Variants in ZNF470 observed in about 807,000 individuals in gnomAD.
The protein encoded by ZNF470 is zinc finger protein 470.
Under a neutral mutation model 13.9 loss-of-function variants are expected in ZNF470, and 13 were observed. The observed-to-expected ratio is 0.94, with a 90% CI of 0.61 to 1.49. The LOEUF is 1.49. Ranked by LOEUF, ZNF470 falls within the 40% of genes most tolerant of loss-of-function variation. The pLI, the probability that ZNF470 is intolerant of heterozygous loss-of-function variation, is 0.00. For missense variants in ZNF470, 929 were observed against 857.3 expected, an observed-to-expected ratio of 1.08 and a Z score of -1.04; for synonymous variants, 293 against 282.9, an observed-to-expected ratio of 1.04 and a Z score of -0.36.
Position 56,579,373 on chromosome 19 carries a change from G to A in ZNF470, c.*790G>A. 4 of 897,366 alleles carry A rather than the reference G, an allele frequency of 4.5e-6. No individual in the cohort carries two copies. Among genetic ancestry groups the A allele is most frequent in the Non-Finnish European group, 5.3e-6 (4 of 749,630 alleles). The allele number at this position is 897,366 out of a possible 1,614,324, so 55.6% of individuals were successfully genotyped here. ...GGAGGTAGAGGTTGCAGTGAGTCAT[G>A]ATCACACCACTGCAATTCCAGCTGG... On this transcript the variant is annotated 3_prime_UTR_variant, in exon 6 of 6. Transcript: ENST00000330619.
Position 56,579,779 on chromosome 19 carries a change from A to G in ZNF470, c.*1196A>G, listed in dbSNP as rs528465689. The G allele has an allele frequency of 7.9e-5, 74 of 939,804 alleles. No homozygotes were observed. Among genetic ancestry groups the G allele is most frequent in the Non-Finnish European group, 9.3e-5 (73 of 788,552 alleles). 58.2% of individuals were successfully genotyped at this position (939,804 alleles called of 1,614,324 possible). A position where few individuals can be genotyped will look rare whatever the true frequency, so the allele number is the denominator to read the frequency against. ...AGGAAGGCTAGACATGCCTCTGTAT[A>G]GAAAATCTGATAAAAATATTTCTCC... On this transcript the variant is annotated 3_prime_UTR_variant, in exon 6 of 6. Transcript: ENST00000330619.
At chr19:56,568,696 G>A (rs1352819281) in intron 1 of ZNF470, 62 bp from the exon 2 acceptor site, 2 of 152,102 alleles carry the variant, frequency 1.3e-5, no homozygotes, top group East Asian at 3.9e-4. Context: ...AGACCTTTTG[G>A]GAGTATCAGC....
intron 4 of ZNF470, 49 bp downstream of exon 4, chr19:56,574,569 A>AT: frequency 6.2e-7 from 1 of 1,611,912 alleles, no homozygotes; most frequent in South Asian, 1.1e-5. Context: ...GTAGTCTTTT[A>AT]TGCCATTATC....
In ZNF470 at chr19:56,576,973, C is replaced by A; in HGVS notation, c.544C>A (p.His182Asn). The A allele has an allele frequency of 6.3e-7, 1 of 1,589,218 alleles. No homozygotes were observed. The highest frequency in any genetic ancestry group is 8.5e-7 in the Non-Finnish European group (1 of 1,172,158). The change falls in exon 6 of 6, where the codon CAT becomes AAT. Residue 182 changes from histidine (H) to asparagine (N), a missense_variant. Transcript: ENST00000330619. ...CTCTAACAAATCTGGGACAGTTTTTCATCTGAATACATTATCTTATATAAA... is the reference window on the plus strand; with the variant it reads ...CTCTAACAAATCTGGGACAGTTTTTAATCTGAATACATTATCTTATATAAA... ...DHSNKSGTVF[H>N]LNTLSYIKQI...
rs1468283451 is a variant in ZNF470 at position 56,574,635 on chromosome 19, C to G, written c.188-3C>G. The G allele has an allele frequency of 6.2e-7, 1 of 1,612,594 alleles. No individual in the cohort carries two copies. The highest frequency in any genetic ancestry group is 1.3e-5 in the African/African-American group (1 of 74,806). ...CAATTTTTATATGTCTTTTTACATG[C>G]AGGTCTTTGCATTTCTAAACCAGAT... On this transcript the variant is annotated splice_region_variant and splice_polypyrimidine_tract_variant and intron_variant, in intron 4 of 5. Transcript: ENST00000330619.
At chr19:56,576,591 C>G in intron 5 of ZNF470, 122 bp from the exon 6 acceptor site, 1 of 743,596 alleles carries the variant, frequency 1.3e-6, no homozygotes, top group Non-Finnish European at 2.0e-6. Flanking sequence ...ATGTAAGAAC[C>G]ATAAAAACAT....
chr19:56,581,053 G>T lies in ZNF470; in HGVS notation c.*2470G>T, dbSNP rs1355201543. On this transcript the variant is annotated 3_prime_UTR_variant, in exon 6 of 6. Transcript: ENST00000330619. ...TGCATAACCCCAAAGCTGACATTAG[G>T]CTTTTATATGGTGGAAAACATCATA... The T allele has an allele frequency of 1.0e-6, 1 of 985,050 alleles. No individual in the cohort carries two copies. The highest frequency in any genetic ancestry group is 1.2e-6 in the Non-Finnish European group (1 of 829,752). The allele number at this position is 985,050 out of a possible 1,614,324, so 61.0% of individuals were successfully genotyped here.
rs2147990734 is a variant in ZNF470 at position 56,581,083 on chromosome 19, A to G, written c.*2500A>G. 1 of 983,726 alleles carries G rather than the reference A, an allele frequency of 1.0e-6. No individual in the cohort carries two copies. Among genetic ancestry groups the G allele is most frequent in the Admixed American group, 6.1e-5 (1 of 16,288 alleles). 60.9% of individuals were successfully genotyped at this position (983,726 alleles called of 1,614,324 possible). A position where few individuals can be genotyped will look rare whatever the true frequency, so the allele number is the denominator to read the frequency against. On this transcript the variant is annotated 3_prime_UTR_variant, in exon 6 of 6. Coordinates refer to ENST00000330619, the MANE Select transcript of ZNF470 (RefSeq NM_001001668.4). Reference sequence around the variant, plus strand: ...TATATGGTGGAAAACATCATAGTCAATAGATAAATGAGAGACTGACACAAA... The same window carrying G: ...TATATGGTGGAAAACATCATAGTCAGTAGATAAATGAGAGACTGACACAAA...
chr19:56,570,843 C>T (rs146111450), intron 3 of ZNF470, among the ~76,000 whole-genome samples: 1 of 152,278 alleles, frequency 6.6e-6, no homozygotes, highest in Non-Finnish European at 1.5e-5. Context: ...CATTAATAGC[C>T]CATATGATGT....
chr19:56,581,755 T>A lies in ZNF470; in HGVS notation c.*3172T>A, dbSNP rs563323450. Reference sequence around the variant, plus strand: ...GCCTCCTCCTTTTGGCTGCACTATCTCATCTTTTCCTTTTGAGTAACTGGC... The same window carrying A: ...GCCTCCTCCTTTTGGCTGCACTATCACATCTTTTCCTTTTGAGTAACTGGC... On this transcript the variant is annotated 3_prime_UTR_variant, in exon 6 of 6. Coordinates refer to ENST00000330619, the MANE Select transcript of ZNF470 (RefSeq NM_001001668.4). 1.0e-6 allele frequency: 1 copy of A among 985,450 alleles called. No individual in the cohort carries two copies. The highest frequency in any genetic ancestry group is 6.1e-5 in the Admixed American group (1 of 16,282). The allele number at this position is 985,450 out of a possible 1,614,324, so 61.0% of individuals were successfully genotyped here. A position where few individuals can be genotyped will look rare whatever the true frequency, so the allele number is the denominator to read the frequency against.
In ZNF470 at chr19:56,577,622, A is replaced by G. The variant is rs1215828952; in HGVS notation, c.1193A>G (p.Asp398Gly). 6.2e-7 allele frequency: 1 copy of G among 1,613,990 alleles called. No individual in the cohort carries two copies. The highest frequency in any genetic ancestry group is 1.1e-5 in the South Asian group (1 of 91,068). Residue 398 changes from aspartate to glycine, a missense_variant, in exon 6 of 6, where the codon GAC becomes GGC. Asp to Gly is a moderately conservative substitution (Grantham distance 94). Transcript: ENST00000330619. ...TATCATACTGGAGAGAAACCCTTTG[A>G]CTGTATTGATTGTGGGAAGGCTTTC... ...RYYHTGEKPF[D>G]CIDCGKAFTD...
intron 3 of ZNF470, among the ~76,000 whole-genome samples, chr19:56,570,856 T>C (rs527709175): frequency 6.6e-6 from 1 of 152,258 alleles, no homozygotes; most frequent in Admixed American, 6.5e-5. Flanking sequence ...TATGATGTCT[T>C]TGGGTGAATT....
intron 5 of ZNF470, 22 bp downstream of exon 5, chr19:56,574,755 A>G: frequency 1.3e-6 from 2 of 1,594,584 alleles, no homozygotes; most frequent in Non-Finnish European, 1.7e-6. Context: ...ATACCTAGAG[A>G]TAAAGGAACT....
Position 56,577,928 on chromosome 19 carries a change from A to G in ZNF470, c.1499A>G (p.Gln500Arg). The stretch of plus-strand genomic sequence containing the variant: ...CAGAGCACGCATCTGGCTCATCATC[A>G]GAGAATTCATACTGGAGAGAAACCT... ...FRQSTHLAHH[Q>R]RIHTGEKPYE... Residue 500 changes from glutamine (Q) to arginine (R), a missense_variant, in exon 6 of 6, where the codon CAG (glutamine) becomes CGG (arginine). Gln to Arg is a conservative substitution (Grantham distance 43, BLOSUM62 1). Coordinates refer to ENST00000330619, the MANE Select transcript of ZNF470 (RefSeq NM_001001668.4). The G allele has an allele frequency of 6.2e-7, 1 of 1,614,122 alleles. No individual in the cohort carries two copies. The highest frequency in any genetic ancestry group is 8.5e-7 in the Non-Finnish European group (1 of 1,179,998).
Position 56,577,547 on chromosome 19 carries a change from G to A in ZNF470, c.1118G>A (p.Cys373Tyr), listed in dbSNP as rs765767726. 18 of 1,614,122 alleles carry A rather than the reference G, an allele frequency of 1.1e-5. No homozygotes were observed. In the East Asian group the frequency reaches 2.9e-4, roughly 26 times the overall value. Residue 373 changes from cysteine to tyrosine, a missense_variant, in exon 6 of 6, where the codon TGT becomes TAT. Physicochemically the swap from Cys to Tyr is radical, Grantham distance 194. Transcript: ENST00000330619. ...TGKRPYECID[C>Y]GKAFRQNASL... ...AAAAGACCTTATGAATGTATTGACT[G>A]TGGGAAAGCTTTCAGGCAGAATGCT...
rs961688320 is a variant in ZNF470, at chr19:56,580,885, C to T, written c.*2302C>T. The T allele has an allele frequency of 1.0e-6, 1 of 985,176 alleles. No homozygotes were observed. The highest frequency in any genetic ancestry group is 1.7e-5 in the African/African-American group (1 of 57,214). The allele number at this position is 985,176 out of a possible 1,614,324, so 61.0% of individuals were successfully genotyped here. On this transcript the variant is annotated 3_prime_UTR_variant, in exon 6 of 6. Transcript: ENST00000330619. Reference sequence around the variant, plus strand: ...GGTTTGATCAAATGGCATTGGGAAACTTAGCTCACTGGAAAAACAGATCTG... The same window carrying T: ...GGTTTGATCAAATGGCATTGGGAAATTTAGCTCACTGGAAAAACAGATCTG...
At chr19:56,575,073 T>A (rs1347051045) in intron 5 of ZNF470, among the ~76,000 whole-genome samples, 1 of 152,196 alleles carries the variant, frequency 6.6e-6, no homozygotes. Flanking sequence ...AATATTTTCC[T>A]TTCCTTAAAA....
At position 56,579,841 on chromosome 19, in the gene ZNF470, T is replaced by C; in HGVS notation, c.*1258T>C. 1 of 786,618 alleles carries C rather than the reference T, an allele frequency of 1.3e-6. No individual in the cohort carries two copies. Among genetic ancestry groups the C allele is most frequent in the Non-Finnish European group, 1.5e-6 (1 of 648,982 alleles). 48.7% of individuals were successfully genotyped at this position (786,618 alleles called of 1,614,324 possible). A position where few individuals can be genotyped will look rare whatever the true frequency, so the allele number is the denominator to read the frequency against. ...ATTCATTGATATTCCAGTAAAAATTTCCATATTTTTTTAGTTGAGAAGCTG... is the reference window on the plus strand; with the variant it reads ...ATTCATTGATATTCCAGTAAAAATTCCCATATTTTTTTAGTTGAGAAGCTG... On this transcript the variant is annotated 3_prime_UTR_variant, in exon 6 of 6. Coordinates refer to ENST00000330619, the MANE Select transcript of ZNF470 (RefSeq NM_001001668.4).
chr19:56,573,068 T>C (rs964717571), intron 3 of ZNF470, among the ~76,000 whole-genome samples: 3 of 152,230 alleles, frequency 2.0e-5, no homozygotes, highest in Admixed American at 6.5e-5. Flanking sequence ...TATTTTAATA[T>C]AGGTAATCTA....
Sources: gnomAD v4.1 joint callset for allele counts (sites outside exome capture counted in the v4.1 genomes callset) on GRCh38, gnomAD v4.1.1 for gene constraint, MANE v1.5 for transcripts, NCBI Gene and HGNC (gene_info 2026-07-23, HGNC 2026-07-21) for gene names.